Variants in NOS1AP observed in about 807,000 individuals in gnomAD.
NOS1AP encodes the protein carboxyl-terminal PDZ ligand of neuronal nitric oxide synthase protein.
Under a neutral mutation model 56.2 loss-of-function variants are expected in NOS1AP, and 21 were observed. That is an observed-to-expected ratio of 0.37 (90% confidence interval 0.26 to 0.54). The LOEUF (loss-of-function observed/expected upper bound fraction) is 0.54. Ranked by LOEUF, NOS1AP falls within the 20% of genes least tolerant of loss-of-function variation. The probability of loss-of-function intolerance (pLI) is 0.84; values close to 1 mark genes in which losing one functional copy is unlikely to be tolerated. For synonymous variants in NOS1AP, 270 were observed against 274.6 expected (o/e 0.98, Z 0.17); for missense variants, 522 against 657.8 (o/e 0.79, Z 2.26).
At chr1:162,238,427 G>A (rs1467743541) in intron 2 of NOS1AP, among the ~76,000 whole-genome samples, 2 of 152,096 alleles carry the variant, frequency 1.3e-5, no homozygotes, top group African/African-American at 2.4e-5. Context: ...TAACTTACCT[G>A]CTAGTCTCCA....
chr1:162,369,644 T>C lies in NOS1AP; in HGVS notation c.*2177T>C, dbSNP rs1324619125. The C allele has an allele frequency of 6.6e-6, 1 of 152,178 alleles. No homozygotes were observed. 9.4% of individuals were successfully genotyped at this position (152,178 alleles called of 1,614,324 possible). A position where few individuals can be genotyped will look rare whatever the true frequency, so the allele number is the denominator to read the frequency against. ...GAAAGGAAATGGAGAAATTAAAGAA[T>C]TGGAGAAACTAGTTATCTGTGTTGC... On this transcript the variant is annotated 3_prime_UTR_variant, in exon 10 of 10. Coordinates refer to ENST00000361897, the MANE Select transcript of NOS1AP (RefSeq NM_014697.3).
intron 2 of NOS1AP, among the ~76,000 whole-genome samples, chr1:162,201,093 G>A (rs184093879): frequency 6.7e-4 from 102 of 152,148 alleles, no homozygotes; most frequent in African/African-American, 2.4e-3. Flanking sequence ...AGTTTGTTTT[G>A]TTCCTTTCTA....
At chr1:162,289,225 C>CTTCGT (rs1655194212) in intron 3 of NOS1AP, among the ~76,000 whole-genome samples, 1 of 35,314 alleles carries the variant, frequency 2.8e-5, no homozygotes, top group Admixed American at 2.5e-4. Context: ...TCCTTCCTTC[C>CTTCGT]TTCCTTCCTT....
In NOS1AP at chr1:162,299,314, A is replaced by G. The variant is rs539850319; in HGVS notation, c.271-1319A>G. Reference sequence around the variant, plus strand: ...CATTAAAAGGCTGTGTCTCTATGCCATGCAGATCAGGGATCCAGTTCATTT... The same window carrying G: ...CATTAAAAGGCTGTGTCTCTATGCCGTGCAGATCAGGGATCCAGTTCATTT... On this transcript the variant is annotated intron_variant, in intron 3 of 9. Coordinates refer to ENST00000361897, the MANE Select transcript of NOS1AP (RefSeq NM_014697.3). 6.4e-4 allele frequency among the ~76,000 whole-genome samples: 98 copies of G among 152,306 alleles called. 1 individual carries two copies. In the Middle Eastern group the frequency reaches 0.014, roughly 21 times the overall value.
chr1:162,103,281 C>T (rs151116793), intron 1 of NOS1AP, among the ~76,000 whole-genome samples: 10 of 151,780 alleles, frequency 6.6e-5, no homozygotes, highest in South Asian at 2.1e-4. Flanking sequence ...AATTTGATTG[C>T]GCTATGGTAT....
At chr1:162,339,477 C>T (rs971092699) in intron 5 of NOS1AP, among the ~76,000 whole-genome samples, 2 of 152,080 alleles carry the variant, frequency 1.3e-5, no homozygotes, top group South Asian at 4.2e-4. Context: ...TCTCAAGGTT[C>T]CACTTGTTTA....
chr1:162,351,937 T>C (rs971783759), intron 6 of NOS1AP, among the ~76,000 whole-genome samples: 7 of 152,150 alleles, frequency 4.6e-5, no homozygotes, highest in Non-Finnish European at 8.8e-5. Context: ...GGGCCACCTT[T>C]CTCTGTAGTG....
At chr1:162,321,731 A>AAATAT (rs1480278757) in intron 4 of NOS1AP, among the ~76,000 whole-genome samples, 2,454 of 128,324 alleles carry the variant, frequency 0.019, 85 homozygotes, top group African/African-American at 0.068. Flanking sequence ...AAAAAAAAAA[A>AAATAT]ATATATATAT....
At chr1:162,180,629 A>G (rs1319997109) in intron 2 of NOS1AP, among the ~76,000 whole-genome samples, 1 of 152,204 alleles carries the variant, frequency 6.6e-6, no homozygotes, top group Non-Finnish European at 1.5e-5. Flanking sequence ...AAGGGACTAC[A>G]GGAGCCTCTT....
chr1:162,109,683 G>C (rs950921981), intron 1 of NOS1AP, among the ~76,000 whole-genome samples: 6 of 152,028 alleles, frequency 3.9e-5, no homozygotes, highest in Admixed American at 6.6e-5. Context: ...TTTCTGAAAA[G>C]TTCTATGTAA....
chr1:162,352,870 A>G (rs1657565446), intron 6 of NOS1AP, among the ~76,000 whole-genome samples: 1 of 152,180 alleles, frequency 6.6e-6, no homozygotes, highest in African/African-American at 2.4e-5. Flanking sequence ...CCTAATAGGT[A>G]TCCCTACTTG....
intron 2 of NOS1AP, among the ~76,000 whole-genome samples, chr1:162,237,453 T>C (rs1413726573): frequency 6.6e-6 from 1 of 152,196 alleles, no homozygotes; most frequent in African/African-American, 2.4e-5. Flanking sequence ...TCTGTCTGTT[T>C]CTCAATTTTC....
intron 2 of NOS1AP, among the ~76,000 whole-genome samples, chr1:162,209,921 C>T (rs1314074539): frequency 1.3e-5 from 2 of 152,154 alleles, no homozygotes; most frequent in African/African-American, 4.8e-5. Context: ...TTCTTCATCA[C>T]TGGGGCCATT....
Position 162,352,497 on chromosome 1 carries a change from T to C in NOS1AP, c.596-2690T>C, listed in dbSNP as rs1215674230. Reference sequence around the variant, plus strand: ...CCAGGCCTTTTTCCTGAACTTTCCATTCATGCACTATAGTAATCTACACAG... The same window carrying C: ...CCAGGCCTTTTTCCTGAACTTTCCACTCATGCACTATAGTAATCTACACAG... On this transcript the variant is annotated intron_variant, in intron 6 of 9. Coordinates refer to ENST00000361897, the MANE Select transcript of NOS1AP (RefSeq NM_014697.3). Among the ~76,000 whole-genome samples, 7 of 152,212 alleles carry C rather than the reference T, an allele frequency of 4.6e-5. No homozygotes were observed. The East Asian group carries it at 1.4e-3, about 29-fold the overall frequency.
intron 2 of NOS1AP, among the ~76,000 whole-genome samples, chr1:162,224,320 A>G (rs1385752853): frequency 6.6e-6 from 1 of 152,216 alleles, no homozygotes; most frequent in African/African-American, 2.4e-5. Flanking sequence ...ATTGAAATAT[A>G]TTCTGGCAGT....
At chr1:162,254,552 G>A (rs1371704973) in intron 2 of NOS1AP, among the ~76,000 whole-genome samples, 2 of 152,336 alleles carry the variant, frequency 1.3e-5, no homozygotes, top group East Asian at 1.9e-4. Flanking sequence ...TGGCAAACAT[G>A]TTGGCCATTT....
intron 2 of NOS1AP, among the ~76,000 whole-genome samples, chr1:162,168,276 T>C (rs1650600380): frequency 6.6e-6 from 1 of 152,084 alleles, no homozygotes; most frequent in Non-Finnish European, 1.5e-5. Context: ...GGAAATGGAG[T>C]GTTACCTGCA....
intron 1 of NOS1AP, among the ~76,000 whole-genome samples, chr1:162,113,346 G>A (rs1189776184): frequency 6.6e-6 from 1 of 152,134 alleles, no homozygotes; most frequent in Non-Finnish European, 1.5e-5. Flanking sequence ...TGTGTCTGGC[G>A]GCCCAGTGGG....
chr1:162,079,914 A>G (rs1376301694), intron 1 of NOS1AP, among the ~76,000 whole-genome samples: 1 of 152,234 alleles, frequency 6.6e-6, no homozygotes, highest in Non-Finnish European at 1.5e-5. Flanking sequence ...TGGGCTTAAA[A>G]TAGCTGTCAG....
Sources: allele counts gnomAD v4.1 joint callset (sites outside exome capture counted in the v4.1 genomes callset), GRCh38; gene constraint gnomAD v4.1.1; transcripts MANE v1.5; gene names NCBI Gene and HGNC (gene_info 2026-07-23, HGNC 2026-07-21).